Variants in PCDHGA2 observed in about 807,000 individuals in gnomAD.
PCDHGA2 encodes protocadherin gamma subfamily A, 2, also known as protocadherin gamma-A2.
Under a neutral mutation model 59.2 loss-of-function variants are expected in PCDHGA2, and 40 were observed. That is an observed-to-expected ratio of 0.68 (90% CI 0.52 to 0.88). PCDHGA2 has a LOEUF of 0.88. Ranked by LOEUF, PCDHGA2 falls within the 40% of genes least tolerant of loss-of-function variation. The pLI is 0.00. For missense variants in PCDHGA2, 1,226 were observed against 1,204.0 expected (o/e 1.02, Z -0.27); for synonymous variants, 560 against 526.0 (o/e 1.06, Z -0.89).
chr5:141,502,027 C>T (rs547850211), intron 2 of PCDHGA2, among the ~76,000 whole-genome samples: 6 of 152,274 alleles, frequency 3.9e-5, no homozygotes, highest in African/African-American at 9.6e-5. Flanking sequence ...CTGCAACCCC[C>T]GCCGCTTGCC....
In PCDHGA2 at chr5:141,489,928, G is replaced by A. The variant is rs752861962; in HGVS notation, c.2425-4879G>A. ...CCGCTCAGGGACCACCCTTATCTCT[G>A]TCATCGTGCTGGACATCAATGATAA... On this transcript the variant is annotated intron_variant, in intron 1 of 3. Transcript: ENST00000394576. The surrounding 1 kb of genome is among the most constrained non-coding windows in gnomAD (Gnocchi z 4.5). 2 of 1,614,206 alleles carry A rather than the reference G, an allele frequency of 1.2e-6. No homozygotes were observed. Among genetic ancestry groups the A allele is most frequent in the Non-Finnish European group, 1.7e-6 (2 of 1,180,038 alleles).
chr5:141,376,529 C>A (rs536041905), intron 1 of PCDHGA2: 2 of 1,613,656 alleles, frequency 1.2e-6, no homozygotes, highest in Non-Finnish European at 1.7e-6. Context: ...TCCGCCTAAG[C>A]GGGAAGAGTA....
At chr5:141,379,424 G>T (rs1775590923) in intron 1 of PCDHGA2, 1 of 152,218 alleles carries the variant, frequency 6.6e-6, no homozygotes, top group East Asian at 1.9e-4. Flanking sequence ...TCATGAGTTA[G>T]ATGGGCTGTT....
chr5:141,387,793 A>T, intron 1 of PCDHGA2: 1 of 1,495,928 alleles, frequency 6.7e-7, no homozygotes, highest in Non-Finnish European at 8.9e-7. Flanking sequence ...CTGCAACTAA[A>T]GTCCGTTCGG....
chr5:141,392,145 C>T (rs2150471723), intron 1 of PCDHGA2: 1 of 152,264 alleles, frequency 6.6e-6, no homozygotes, highest in East Asian at 1.9e-4. Context: ...GTAGTTTAAA[C>T]CAAATAAAAC....
At chr5:141,399,979 C>A (rs1402446986) in intron 1 of PCDHGA2, 5 of 1,612,154 alleles carry the variant, frequency 3.1e-6, no homozygotes, top group Non-Finnish European at 4.2e-6. Context: ...CCTGGGGCTG[C>A]GCACAGGAGA....
Position 141,486,955 on chromosome 5 carries a change from T to A in PCDHGA2, c.2425-7852T>A, listed in dbSNP as rs1459820579. 1.9e-6 allele frequency: 3 copies of A among 1,614,128 alleles called. No individual in the cohort carries two copies. The highest frequency in any genetic ancestry group is 2.5e-6 in the Non-Finnish European group (3 of 1,180,048). ...CTGGCCACCTAATCACAAAGGTGACTGCTGTGGACTTGGATTCAGGTTACA... is the reference window on the plus strand; with the variant it reads ...CTGGCCACCTAATCACAAAGGTGACAGCTGTGGACTTGGATTCAGGTTACA... On this transcript the variant is annotated intron_variant, in intron 1 of 3. Coordinates refer to ENST00000394576, the MANE Select transcript of PCDHGA2 (RefSeq NM_018915.4). This position sits in a 1 kb window ranked among gnomAD's most constrained non-coding sequence, Gnocchi z 5.0.
chr5:141,473,262 G>T (rs905961411), intron 1 of PCDHGA2, among the ~76,000 whole-genome samples: 2 of 152,188 alleles, frequency 1.3e-5, no homozygotes, highest in Admixed American at 6.5e-5. Flanking sequence ...AGTCCTTAGT[G>T]TATGCTATGA....
At chr5:141,361,264 G>A (rs761311465) in intron 1 of PCDHGA2, 1 of 1,613,878 alleles carries the variant, frequency 6.2e-7, no homozygotes, top group African/African-American at 1.3e-5. Context: ...CAGAGACTCT[G>A]GAGAAAATGG....
At chr5:141,363,492 A>G (rs1043734455) in intron 1 of PCDHGA2, among the ~76,000 whole-genome samples, 5 of 152,244 alleles carry the variant, frequency 3.3e-5, no homozygotes, top group African/African-American at 1.2e-4. Flanking sequence ...GGATGATGAA[A>G]TAAAACCCCA....
intron 1 of PCDHGA2, chr5:141,395,210 A>T (rs200048432): frequency 1.9e-6 from 3 of 1,613,418 alleles, no homozygotes; most frequent in Non-Finnish European, 2.5e-6. Context: ...ATTTTCATGA[A>T]TATAAGAATG....
chr5:141,368,392 C>T (rs978574831), intron 1 of PCDHGA2, among the ~76,000 whole-genome samples: 2 of 152,084 alleles, frequency 1.3e-5, no homozygotes, highest in African/African-American at 4.8e-5. Context: ...TACACACACA[C>T]AAACACACAT....
intron 1 of PCDHGA2, chr5:141,383,745 G>A: frequency 6.2e-7 from 1 of 1,613,954 alleles, no homozygotes; most frequent in Non-Finnish European, 8.5e-7. Context: ...ATTCTTTTCG[G>A]AAAATAACTC....
At chr5:141,362,586 T>C in intron 1 of PCDHGA2, 2 of 1,595,214 alleles carry the variant, frequency 1.3e-6, no homozygotes, top group Non-Finnish European at 1.7e-6. Context: ...TTTTCACTTC[T>C]GGTTTTATTG....
chr5:141,423,875 A>G (rs1354115544), intron 1 of PCDHGA2: 8 of 1,282,448 alleles, frequency 6.2e-6, no homozygotes, highest in African/African-American at 3.1e-5. Context: ...TCATTTTTCA[A>G]TCTTGGCATA....
chr5:141,511,144 A>C lies in PCDHGA2; in HGVS notation c.2770A>C (p.Lys924Gln). 2 of 1,614,202 alleles carry C rather than the reference A, an allele frequency of 1.2e-6. No homozygotes were observed. The highest frequency in any genetic ancestry group is 1.7e-6 in the Non-Finnish European group (2 of 1,180,016). The change falls in exon 4 of 4, where the codon AAG becomes CAG. Residue 924 changes from lysine to glutamine, a missense_variant. By Grantham distance (53) the Lys-to-Gln change is moderately conservative. Transcript: ENST00000394576. Reference sequence around the variant, plus strand: ...CCCAGCAGGTGGCAATGGCAACAAGAAGAAGTCGGGCAAGAAGGAGAAGAA... The same window carrying C: ...CCCAGCAGGTGGCAATGGCAACAAGCAGAAGTCGGGCAAGAAGGAGAAGAA... ...KAPAGGNGNK[K>Q]KSGKKEKK
At position 141,487,635 on chromosome 5, in the gene PCDHGA2, A is replaced by C. The variant is rs1594699829; in HGVS notation, c.2425-7172A>C. 1.2e-6 allele frequency: 2 copies of C among 1,614,204 alleles called. No individual in the cohort carries two copies. Among genetic ancestry groups the C allele is most frequent in the Non-Finnish European group, 1.7e-6 (2 of 1,180,034 alleles). On this transcript the variant is annotated intron_variant, in intron 1 of 3. Transcript: ENST00000394576. The surrounding 1 kb of genome is among the most constrained non-coding windows in gnomAD (Gnocchi z 5.0). Reference sequence around the variant, plus strand: ...CTAGAGGTGAGACCTTTGCAGGCTCAACAAATGCTTGAGGGTTATTCTGAT... The same window carrying C: ...CTAGAGGTGAGACCTTTGCAGGCTCCACAAATGCTTGAGGGTTATTCTGAT...
intron 1 of PCDHGA2, among the ~76,000 whole-genome samples, chr5:141,359,804 G>T (rs918422169): frequency 3.9e-5 from 6 of 151,996 alleles, no homozygotes; most frequent in African/African-American, 1.5e-4. Flanking sequence ...TTTGAATTTG[G>T]AACTATATGA....
chr5:141,352,625 A>C lies in PCDHGA2; in HGVS notation c.2424+11230A>C, dbSNP rs201522550. 21 of 1,612,002 alleles carry C rather than the reference A, an allele frequency of 1.3e-5. No individual in the cohort carries two copies. Among genetic ancestry groups the C allele is most frequent in the Non-Finnish European group, 1.8e-5 (21 of 1,178,938 alleles). ...TCCTTCTATGGTTGTATGTGCCAGT[A>C]ATGAAGATCACAAAATCGCTTATGA... On this transcript the variant is annotated intron_variant, in intron 1 of 3. Transcript: ENST00000394576.
Sources: gnomAD v4.1 joint callset for allele counts (sites outside exome capture counted in the v4.1 genomes callset) on GRCh38, gnomAD v4.1.1 for gene constraint, Gnocchi (gnomAD v3.1) non-coding constraint, MANE v1.5 for transcripts, NCBI Gene and HGNC (gene_info 2026-07-23, HGNC 2026-07-21) for gene names.